The following TCEA2 variants were observed in gnomAD, a reference collection of about 807,000 sequenced individuals.
The protein encoded by TCEA2 is transcription elongation factor A2.
TCEA2 carries 21 observed loss-of-function variants against 40.8 expected under a neutral mutation model. That is an observed-to-expected ratio of 0.51 (90% CI 0.36 to 0.74). TCEA2 has a LOEUF of 0.74. Ranked by LOEUF, TCEA2 falls within the 30% of genes least tolerant of loss-of-function variation. The pLI is 0.00. For missense variants in TCEA2, 326 were observed against 426.5 expected (o/e 0.76, Z 2.08); for synonymous variants, 165 against 162.7 (o/e 1.01, Z -0.11).
In TCEA2 at chr20:64,070,397, G is replaced by T. The variant is rs146503371; in HGVS notation, c.655G>T (p.Ala219Ser). The part of the protein sequence containing the change: ...LCGAITPQQI[A>S]VMTSEEMASD... The stretch of plus-strand genomic sequence containing the variant: ...TGGGGCCATAACACCCCAGCAGATC[G>T]CTGTGATGACCTCAGAGGTGAGCCC... The change falls in exon 7 of 10, where the codon GCT becomes TCT. Residue 219 changes from alanine to serine, a missense_variant. Coordinates refer to ENST00000343484, the MANE Select transcript of TCEA2 (RefSeq NM_003195.6). The T allele has an allele frequency of 6.2e-7, 1 of 1,614,060 alleles. No individual in the cohort carries two copies. The highest frequency in any genetic ancestry group is 8.5e-7 in the Non-Finnish European group (1 of 1,180,050).
At position 64,069,463 on chromosome 20, in the gene TCEA2, G is replaced by A; in HGVS notation, c.432G>A (p.Glu144=). The change falls in exon 5 of 10, where the codon GAG becomes GAA. Residue 144 remains glutamate (E), a synonymous_variant. Transcript: ENST00000343484. ...ATGCCGTGCGCAACAAGTGCCGCGA[G>A]ATGCTGACCGCTGCCCTGCAGACGG... ...TCDAVRNKCR[E]MLTAALQTDH... The A allele has an allele frequency of 1.2e-6, 2 of 1,613,352 alleles. No homozygotes were observed. Among genetic ancestry groups the A allele is most frequent in the East Asian group, 2.2e-5 (1 of 44,884 alleles).
At chr20:64,059,462 C>A (rs1385624215), upstream of TCEA2, among the ~76,000 whole-genome samples, 1 of 152,168 alleles carries the variant, frequency 6.6e-6, no homozygotes, top group Admixed American at 6.5e-5. Context: ...ACACTCCAGA[C>A]CACATCCCTC....
chr20:64,070,123 G>A (rs550379235), intron 6 of TCEA2, 137 bp from the exon 7 acceptor site: 37 of 1,303,986 alleles, frequency 2.8e-5, no homozygotes, highest in Non-Finnish European at 1.3e-5. Flanking sequence ...TCTCCACCAG[G>A]TGTGGGTGGG....
chr20:64,072,141 A>G (rs2059853994), intron 9 of TCEA2, 31 bp from the exon 10 acceptor site: 2 of 1,613,104 alleles, frequency 1.2e-6, no homozygotes, highest in Non-Finnish European at 1.7e-6. Flanking sequence ...ATGTGGCCAC[A>G]AGGCTGGAGG....
intron 1 of TCEA2, 91 bp downstream of exon 1, chr20:64,063,475 C>A: frequency 1.4e-6 from 2 of 1,409,772 alleles, no homozygotes; most frequent in Non-Finnish European, 1.9e-6. Context: ...GGAAGACGAC[C>A]TGAGGGGCAG....
chr20:64,069,109 A>T (rs948458718), intron 4 of TCEA2, among the ~76,000 whole-genome samples: 2 of 152,174 alleles, frequency 1.3e-5, no homozygotes, highest in Non-Finnish European at 2.9e-5. Flanking sequence ...TCCTGTTCCC[A>T]CCTGGAGAGT....
At chr20:64,064,032 G>C (rs2059629547) in intron 1 of TCEA2, 1 of 152,476 alleles carries the variant, frequency 6.6e-6, no homozygotes, top group Non-Finnish European at 1.5e-5. Context: ...AGGCCAGCCA[G>C]ATACCTGTCT....
At chr20:64,066,388 C>A (rs1476342735) in intron 1 of TCEA2, 88 bp from the exon 2 acceptor site, 2 of 1,494,262 alleles carry the variant, frequency 1.3e-6, no homozygotes, top group African/African-American at 2.8e-5. Context: ...ATTGTCACTG[C>A]CTTGTGTTCT....
At position 64,066,498 on chromosome 20, in the gene TCEA2, G is replaced by A. The variant is rs1401022208; in HGVS notation, c.95G>A (p.Arg32Gln). The change falls in exon 2 of 10, where the codon CGG becomes CAG. Residue 32 changes from arginine (R) to glutamine (Q), a missense_variant. Coordinates refer to ENST00000343484, the MANE Select transcript of TCEA2 (RefSeq NM_003195.6). ...KSAEGAMDLL[R>Q]ELKAMPITLH... ...CAGGAGGGAGCCATGGATTTGCTGC[G>A]GGAGCTGAAGGCCATGCCTATCACG... 18 of 1,613,742 alleles carry A rather than the reference G, an allele frequency of 1.1e-5. No homozygotes were observed. The highest frequency in any genetic ancestry group is 1.4e-5 in the Non-Finnish European group (17 of 1,179,892).
chr20:64,059,079 G>C (rs778518144), upstream of TCEA2, among the ~76,000 whole-genome samples: 42 of 151,786 alleles, frequency 2.8e-4, no homozygotes, highest in Admixed American at 1.1e-3. Context: ...TGTAATCCCA[G>C]CTACTTGGGA....
intron 4 of TCEA2, 57 bp from the exon 5 acceptor site, chr20:64,069,304 C>G: frequency 2.0e-6 from 3 of 1,513,914 alleles, no homozygotes; most frequent in Non-Finnish European, 2.7e-6. Context: ...GGACCAGTGT[C>G]TCGCTGGGGT....
At chr20:64,068,463 C>T (rs1442693113) in intron 4 of TCEA2, among the ~76,000 whole-genome samples, 13 of 152,366 alleles carry the variant, frequency 8.5e-5, no homozygotes. Context: ...CCCACTCTGG[C>T]TTCCCCCTCA....
upstream of TCEA2, chr20:64,062,389 T>C (rs1040723358): frequency 2.6e-5 from 4 of 152,312 alleles, no homozygotes; most frequent in African/African-American, 9.7e-5. Context: ...ACAATGTCAA[T>C]GAACACTAAT....
At chr20:64,069,937 G>A (rs773171512) in intron 6 of TCEA2, 116 bp downstream of exon 6, 2 of 1,323,900 alleles carry the variant, frequency 1.5e-6, no homozygotes, top group Admixed American at 3.6e-5. Flanking sequence ...GGGGTCACCT[G>A]CCTGGGTGGT....
At chr20:64,056,564 C>T (rs2059475568), upstream of TCEA2, among the ~76,000 whole-genome samples, 1 of 149,850 alleles carries the variant, frequency 6.7e-6, no homozygotes, top group Non-Finnish European at 1.5e-5. Flanking sequence ...GGATCCCCAG[C>T]CCCCGCTCTG....
Position 64,066,544 on chromosome 20 carries a change from T to C in TCEA2, c.135+6T>C. On this transcript the variant is annotated splice_donor_region_variant and intron_variant, in intron 2 of 9. Coordinates refer to ENST00000343484, the MANE Select transcript of TCEA2 (RefSeq NM_003195.6). ...TCACGCTGCACCTGCTCCAGGTAGG[T>C]CCCTGCCTGCCCCAGGTCCAGGACA... 3 of 1,613,022 alleles carry C rather than the reference T, an allele frequency of 1.9e-6. No homozygotes were observed. The highest frequency in any genetic ancestry group is 2.5e-6 in the Non-Finnish European group (3 of 1,179,436).
rs1456697780 is a variant in TCEA2, at chr20:64,070,574, G to C, written c.758G>C (p.Gly253Ala). The change falls in exon 8 of 10, where the codon GGC (glycine) becomes GCC (alanine). Residue 253 changes from glycine to alanine, a missense_variant. Physicochemically the swap from Gly to Ala is moderately conservative, Grantham distance 60. Transcript: ENST00000343484. ...IREHQMARTG[G>A]TQTDLFTCGK... ...GAGCACCAGATGGCCCGCACTGGCG[G>C]CACGCAGACAGACCTGTTCACCTGC... 6.2e-7 allele frequency: 1 copy of C among 1,613,514 alleles called. No individual in the cohort carries two copies. The highest frequency in any genetic ancestry group is 1.3e-5 in the African/African-American group (1 of 74,944).
chr20:64,063,488 C>T, intron 1 of TCEA2, 104 bp downstream of exon 1: 1 of 1,286,320 alleles, frequency 7.8e-7, no homozygotes. Flanking sequence ...AGGGGCAGGA[C>T]GAGACCCCTC....
intron 4 of TCEA2, 96 bp from the exon 5 acceptor site, chr20:64,069,265 G>A: frequency 6.8e-7 from 1 of 1,465,170 alleles, no homozygotes; most frequent in Non-Finnish European, 9.1e-7. Flanking sequence ...GGTTGGTGGG[G>A]GATTATGCTG....
Sources: allele counts gnomAD v4.1 joint callset (sites outside exome capture counted in the v4.1 genomes callset), GRCh38; gene constraint gnomAD v4.1.1; transcripts MANE v1.5; gene names NCBI Gene and HGNC (gene_info 2026-07-23, HGNC 2026-07-21).